The following CHLSN variants were observed in gnomAD, a reference collection of about 807,000 sequenced individuals.
CHLSN encodes protein cholesin.
At chr7:1,010,081 C>T in the CHLSN span, 1 of 1,612,896 alleles carries the variant, frequency 6.2e-7, no homozygotes, top group South Asian at 1.1e-5. Flanking sequence ...TTTCCAGGAC[C>T]CTCTGCTCCT....
At chr7:1,001,866 T>C in the CHLSN span, among the ~76,000 whole-genome samples, 25 of 57,294 alleles carry the variant, frequency 4.4e-4, no homozygotes, top group Non-Finnish European at 5.4e-4. Flanking sequence ...TGGAGTCCTG[T>C]GGGTGGGGAG....
At chr7:1,119,373 G>A in the CHLSN span, among the ~76,000 whole-genome samples, 2 of 152,222 alleles carry the variant, frequency 1.3e-5, no homozygotes, top group African/African-American at 4.8e-5. Flanking sequence ...TTGCTTCTTA[G>A]ATGTGGTATC....
chr7:1,001,961 T>C, the CHLSN span, among the ~76,000 whole-genome samples: 1 of 57,172 alleles, frequency 1.7e-5, no homozygotes. Context: ...GTGAGTGGAG[T>C]CCTGTGGGTG....
the CHLSN span, among the ~76,000 whole-genome samples, chr7:1,080,509 C>T: frequency 5.3e-5 from 8 of 152,186 alleles, no homozygotes; most frequent in Non-Finnish European, 1.0e-4. Context: ...TGCAGCCGCA[C>T]GGCCGCCAGG....
the CHLSN span, among the ~76,000 whole-genome samples, chr7:1,001,784 T>C: frequency 7.9e-5 from 6 of 76,278 alleles, no homozygotes; most frequent in East Asian, 8.9e-4. Flanking sequence ...TGGAGTCCTG[T>C]GGGTGGGGAG....
At chr7:1,116,389 C>T in the CHLSN span, among the ~76,000 whole-genome samples, 67 of 139,612 alleles carry the variant, frequency 4.8e-4, no homozygotes, top group Non-Finnish European at 7.0e-4. Flanking sequence ...ATCACCGACG[C>T]CCACGCAGGA....
the CHLSN span, among the ~76,000 whole-genome samples, chr7:1,053,318 G>A: frequency 7.9e-5 from 12 of 152,340 alleles, no homozygotes; most frequent in African/African-American, 1.2e-4. Context: ...GGCGGGGGAG[G>A]GGCGTCCACA....
chr7:1,101,844 C>A, the CHLSN span, among the ~76,000 whole-genome samples: 63 of 152,392 alleles, frequency 4.1e-4, no homozygotes, highest in African/African-American at 1.5e-3. Context: ...GCGGACACAG[C>A]ACGAAGCCCT....
At chr7:1,010,379 T>C in the CHLSN span, among the ~76,000 whole-genome samples, 1 of 152,206 alleles carries the variant, frequency 6.6e-6, no homozygotes, top group African/African-American at 2.4e-5. Flanking sequence ...CAGGATTAAC[T>C]GCCCAGAGGC....
At chr7:1,063,515 C>A in the CHLSN span, among the ~76,000 whole-genome samples, 1 of 152,344 alleles carries the variant, frequency 6.6e-6, no homozygotes, top group Admixed American at 6.5e-5. Context: ...GGGACTGTTT[C>A]CAACTTCAGG....
chr7:996,281 G>C, the CHLSN span, among the ~76,000 whole-genome samples: 1 of 152,234 alleles, frequency 6.6e-6, no homozygotes, highest in Non-Finnish European at 1.5e-5. Flanking sequence ...CCGCCTCCCG[G>C]CTTGCATGCA....
chr7:1,012,047 C>T, the CHLSN span, among the ~76,000 whole-genome samples: 4 of 152,316 alleles, frequency 2.6e-5, no homozygotes, highest in African/African-American at 9.6e-5. Context: ...CCTAGGCCCA[C>T]AGCCGCCCAC....
At chr7:1,085,961 G>A in the CHLSN span, among the ~76,000 whole-genome samples, 2 of 152,220 alleles carry the variant, frequency 1.3e-5, no homozygotes, top group African/African-American at 4.8e-5. Context: ...CTGCAGTCCG[G>A]GCCCTGTCTC....
At chr7:1,015,820 C>T in the CHLSN span, among the ~76,000 whole-genome samples, 3 of 152,306 alleles carry the variant, frequency 2.0e-5, no homozygotes, top group East Asian at 1.9e-4. Context: ...TCCTCACCCA[C>T]GGTGAAGCGA....
At chr7:1,040,275 G>C in the CHLSN span, among the ~76,000 whole-genome samples, 1 of 151,904 alleles carries the variant, frequency 6.6e-6, no homozygotes, top group East Asian at 1.9e-4. Context: ...AGGATTGCTT[G>C]AGGCCAGGAG....
At chr7:1,110,327 A>G in the CHLSN span, among the ~76,000 whole-genome samples, 1 of 152,180 alleles carries the variant, frequency 6.6e-6, no homozygotes, top group Non-Finnish European at 1.5e-5. Context: ...GACGACAAGG[A>G]TGCCGAGCAG....
chr7:1,062,312 C>T, the CHLSN span, among the ~76,000 whole-genome samples: 7 of 152,182 alleles, frequency 4.6e-5, no homozygotes, highest in South Asian at 8.3e-4. Context: ...ACACAGCACA[C>T]GACAGAGGGA....
At chr7:1,009,977 GC>G in the CHLSN span, 2 of 1,575,456 alleles carry the variant, frequency 1.3e-6, no homozygotes, top group South Asian at 1.1e-5. Flanking sequence ...GGCCAGTTCG[GC>G]CCCCGAGCGC....
At chr7:1,125,400 A>G in the CHLSN span, among the ~76,000 whole-genome samples, 47,437 of 152,112 alleles carry the variant, frequency 0.31, 7,669 homozygotes, top group Middle Eastern at 0.41. Context: ...ACACTGCCCC[A>G]GGCACGAGAC....
Sources: allele counts gnomAD v4.1 joint callset (sites outside exome capture counted in the v4.1 genomes callset), GRCh38; gene constraint gnomAD v4.1.1; transcripts MANE v1.5; gene names NCBI Gene and HGNC (gene_info 2026-07-23, HGNC 2026-07-21).